PSG8: variants seen among roughly 807,000 people sequenced by gnomAD.
The protein encoded by PSG8 is pregnancy specific beta-1-glycoprotein 8.
In PSG8, 57 loss-of-function variants were observed where a neutral mutation model predicts 42.5. The observed-to-expected ratio is 1.34, with a 90% confidence interval of 1.08 to 1.67. The LOEUF is 1.67. PSG8 is among the 40% of genes most tolerant of loss of function. The probability of loss-of-function intolerance (pLI) is 0.00; values close to 1 mark genes in which losing one functional copy is unlikely to be tolerated. For missense variants in PSG8, 783 were observed against 518.6 expected (o/e 1.51, Z -4.95); for synonymous variants, 280 against 196.8 (o/e 1.42, Z -3.54).
intron 2 of PSG8, among the ~76,000 whole-genome samples, chr19:42,762,013 C>G (rs1970088947): frequency 6.6e-6 from 1 of 151,856 alleles, no homozygotes; most frequent in African/African-American, 2.4e-5. Flanking sequence ...GGGACATTGG[C>G]TCGAGATGAA....
At chr19:42,755,756 G>T (rs551236858) in intron 3 of PSG8, 3 of 171,792 alleles carry the variant, frequency 1.7e-5, no homozygotes, top group East Asian at 1.5e-4. Context: ...ATACTGAGCA[G>T]CCTGGCCTGG....
intron 1 of PSG8, among the ~76,000 whole-genome samples, chr19:42,764,862 C>T (rs528327915): frequency 1.3e-5 from 2 of 152,212 alleles, no homozygotes; most frequent in South Asian, 2.1e-4. Flanking sequence ...TTCTCAGGGC[C>T]CTCCACGCCC....
chr19:42,753,393 A>G (rs1408939019), downstream of PSG8: 1 of 779,640 alleles, frequency 1.3e-6, no homozygotes. Context: ...GTGGATAATA[A>G]AAACACAGAA....
intron 3 of PSG8, among the ~76,000 whole-genome samples, chr19:42,757,243 A>AT (rs926695962): frequency 2.0e-5 from 3 of 151,846 alleles, no homozygotes; most frequent in African/African-American, 7.3e-5. Context: ...TGGGTTTTTG[A>AT]TTTTCCCTCT....
intron 3 of PSG8, among the ~76,000 whole-genome samples, chr19:42,757,508 G>C (rs1969955769): frequency 6.6e-6 from 1 of 152,112 alleles, no homozygotes; most frequent in African/African-American, 2.4e-5. Flanking sequence ...CTGCCAGTGG[G>C]TGAGAGTCTG....
At chr19:42,760,768 G>T (rs1970053252) in intron 2 of PSG8, among the ~76,000 whole-genome samples, 1 of 152,040 alleles carries the variant, frequency 6.6e-6, no homozygotes, top group Non-Finnish European at 1.5e-5. Flanking sequence ...ATTTTTAGTA[G>T]AGACGAGGTT....
At position 42,758,028 on chromosome 19, in the gene PSG8, C is replaced by G. The variant is rs1969972020; in HGVS notation, c.683G>C (p.Ser228Thr). The G allele has an allele frequency of 6.2e-7, 1 of 1,614,050 alleles. No homozygotes were observed. The highest frequency in any genetic ancestry group is 8.5e-7 in the Non-Finnish European group (1 of 1,179,962). ...EIRNPVSASR[S>T]DPFTLNLLPK... ...GAGGAGATTCAGGGTGAATGGGTCA[C>G]TGCGGCTGGCACTCACTGGGTTCCG... Residue 228 changes from serine (S) to threonine (T), a missense_variant, in exon 3 of 5, where the codon AGT becomes ACT. Ser to Thr is a moderately conservative substitution (Grantham distance 58). Transcript: ENST00000306511.
chr19:42,762,303 C>T (rs1970096357), intron 2 of PSG8, among the ~76,000 whole-genome samples: 1 of 151,906 alleles, frequency 6.6e-6, no homozygotes, highest in South Asian at 2.1e-4. Flanking sequence ...CCCCAGGGAC[C>T]AGGTGCCCCC....
intron 3 of PSG8, 36 bp from the exon 4 acceptor site, chr19:42,755,302 G>T (rs557701877): frequency 1.9e-5 from 31 of 1,591,338 alleles, no homozygotes; most frequent in Middle Eastern, 2.1e-4. Context: ...GTCCTGTGTG[G>T]CACCTTTGAT....
At chr19:42,764,445 C>T (rs13382061) in intron 1 of PSG8, among the ~76,000 whole-genome samples, 164 bp from the exon 2 acceptor site, 23,232 of 151,666 alleles carry the variant, frequency 0.15, 2,977 homozygotes, top group African/African-American at 0.35. Context: ...GCATGTGTGT[C>T]TGTGTGTGTG....
At chr19:42,763,273 G>C (rs142923539) in intron 2 of PSG8, among the ~76,000 whole-genome samples, 5,117 of 152,182 alleles carry the variant, frequency 0.034, 290 homozygotes, top group African/African-American at 0.12. Context: ...GCCTCCTAAG[G>C]CAGTTGTCTG....
Position 42,754,242 on chromosome 19 carries a change from C to A in PSG8, c.*53G>T, listed in dbSNP as rs1270774320. 1 of 1,596,878 alleles carries A rather than the reference C, an allele frequency of 6.3e-7. No homozygotes were observed. Among genetic ancestry groups the A allele is most frequent in the Non-Finnish European group, 8.5e-7 (1 of 1,171,998 alleles). ...TTTGCTTGTGCCCATGGGACGCAGG[C>A]TGGGAATAAAAATGTTTTCCTGACT... On this transcript the variant is annotated 3_prime_UTR_variant, in exon 5 of 5. Transcript: ENST00000306511.
intron 1 of PSG8, among the ~76,000 whole-genome samples, 164 bp downstream of exon 1, chr19:42,765,354 G>A (rs1392204613): frequency 6.6e-6 from 1 of 151,922 alleles, no homozygotes; most frequent in Non-Finnish European, 1.5e-5. Flanking sequence ...GGGCTTCACT[G>A]TGTTGGCCAG....
At chr19:42,760,269 G>A (rs1445994775) in intron 2 of PSG8, among the ~76,000 whole-genome samples, 4 of 152,204 alleles carry the variant, frequency 2.6e-5, no homozygotes, top group Middle Eastern at 3.4e-3. Context: ...GTTGTATGTG[G>A]CAAAGGCAGT....
rs529658976 is a variant in PSG8 at position 42,764,775 on chromosome 19, A to G, written c.65-494T>C. Among the ~76,000 whole-genome samples the G allele has an allele frequency of 1.0e-3, 157 of 152,100 alleles. 2 individuals carry two copies. Among genetic ancestry groups the G allele is most frequent in the African/African-American group, 3.6e-3 (149 of 41,488 alleles). Reference sequence around the variant, plus strand: ...TCCCCTCCATGACAGCGTGAGCTCCATGAGGACAGGGATTTTTGTGATCTT... The same window carrying G: ...TCCCCTCCATGACAGCGTGAGCTCCGTGAGGACAGGGATTTTTGTGATCTT... On this transcript the variant is annotated intron_variant, in intron 1 of 4. Transcript: ENST00000306511.
At chr19:42,764,746 G>T (rs866617319) in intron 1 of PSG8, among the ~76,000 whole-genome samples, 1 of 152,014 alleles carries the variant, frequency 6.6e-6, no homozygotes, top group African/African-American at 2.4e-5. Flanking sequence ...TTGCATGTCT[G>T]TCTTCCCCTC....
downstream of PSG8, chr19:42,752,886 C>T (rs1043728764): frequency 8.1e-6 from 2 of 246,870 alleles, no homozygotes; most frequent in Non-Finnish European, 1.5e-5. Flanking sequence ...GTGTTCATTT[C>T]TATTGGGAGT....
intron 2 of PSG8, among the ~76,000 whole-genome samples, chr19:42,762,178 C>T (rs1423594417): frequency 6.6e-6 from 1 of 151,670 alleles, no homozygotes; most frequent in Non-Finnish European, 1.5e-5. Context: ...AGAAGCTGTG[C>T]AGGACAGGGC....
intron 2 of PSG8, among the ~76,000 whole-genome samples, chr19:42,760,092 A>T (rs1200268741): frequency 2.0e-5 from 3 of 152,194 alleles, no homozygotes; most frequent in African/African-American, 7.2e-5. Context: ...GAGGACCCCA[A>T]AACAGGTATG....
Sources: gnomAD v4.1 joint callset for allele counts (sites outside exome capture counted in the v4.1 genomes callset) on GRCh38, gnomAD v4.1.1 for gene constraint, MANE v1.5 for transcripts, NCBI Gene and HGNC (gene_info 2026-07-23, HGNC 2026-07-21) for gene names.